KIF26B: variants seen among roughly 807,000 people sequenced by gnomAD.
KIF26B encodes the protein kinesin-like protein KIF26B.
Under a neutral mutation model 151.2 loss-of-function variants are expected in KIF26B, and 63 were observed. The ratio of observed to expected loss-of-function variants is 0.42; its 90% CI spans 0.34 to 0.51. KIF26B has a LOEUF of 0.51. KIF26B is among the 20% of genes least tolerant of loss of function. The pLI, the probability that KIF26B is intolerant of heterozygous loss-of-function variation, is 0.07. For missense variants in KIF26B, 2,813 were observed against 2,913.6 expected, an observed-to-expected ratio of 0.97 and a Z score of 0.79; for synonymous variants, 1,357 against 1,262.1, an observed-to-expected ratio of 1.08 and a Z score of -1.59.
At chr1:245,187,456 T>C (rs1398656202) in intron 2 of KIF26B, among the ~76,000 whole-genome samples, 1 of 152,242 alleles carries the variant, frequency 6.6e-6, no homozygotes, top group Non-Finnish European at 1.5e-5. Context: ...ATATGGAATA[T>C]GTCCATGTAA....
intron 2 of KIF26B, among the ~76,000 whole-genome samples, chr1:245,363,674 A>G (rs1199902809): frequency 6.6e-6 from 1 of 152,216 alleles, no homozygotes; most frequent in African/African-American, 2.4e-5. Context: ...TTTTGATGAT[A>G]AGAACTCACA....
intron 2 of KIF26B, among the ~76,000 whole-genome samples, chr1:245,305,928 C>T (rs754467482): frequency 1.5e-4 from 16 of 105,918 alleles, no homozygotes; most frequent in African/African-American, 5.7e-4. Flanking sequence ...CAGAGCGAGA[C>T]GACTCCTCAA....
At chr1:245,177,662 A>AGG (rs1297863113) in intron 2 of KIF26B, among the ~76,000 whole-genome samples, 2 of 125,728 alleles carry the variant, frequency 1.6e-5, no homozygotes, top group African/African-American at 3.4e-5. Flanking sequence ...ACTTGTCCTT[A>AGG]GGGGTGTGTG....
intron 4 of KIF26B, chr1:245,511,056 A>G: frequency 1.4e-6 from 1 of 713,852 alleles, no homozygotes; most frequent in Non-Finnish European, 2.6e-6. Context: ...ATTTATTAGC[A>G]GACGTGAAGA....
At chr1:245,504,783 C>T (rs1297046655) in intron 4 of KIF26B, among the ~76,000 whole-genome samples, 1 of 151,932 alleles carries the variant, frequency 6.6e-6, no homozygotes, top group East Asian at 1.9e-4. Flanking sequence ...AAAATTGTAG[C>T]CGTGGTCAGA....
intron 2 of KIF26B, among the ~76,000 whole-genome samples, chr1:245,240,953 C>T (rs2103559848): frequency 6.6e-6 from 1 of 152,328 alleles, no homozygotes; most frequent in Middle Eastern, 3.4e-3. Flanking sequence ...AGGACTCTGG[C>T]CCGGCCCAAG....
At chr1:245,351,380 G>C (rs568089537) in intron 2 of KIF26B, among the ~76,000 whole-genome samples, 1 of 150,244 alleles carries the variant, frequency 6.7e-6, no homozygotes, top group African/African-American at 2.5e-5. Flanking sequence ...CTTTTCACGT[G>C]TTAAACATAG....
chr1:245,606,746 A>T lies in KIF26B; in HGVS notation c.1558-905A>T, dbSNP rs975579629. Among the ~76,000 whole-genome samples, 1 of 152,202 alleles carries T rather than the reference A, an allele frequency of 6.6e-6. No individual in the cohort carries two copies. Among genetic ancestry groups the T allele is most frequent in the African/African-American group, 2.4e-5 (1 of 41,444 alleles). On this transcript the variant is annotated intron_variant, in intron 6 of 14. Coordinates refer to ENST00000407071, the MANE Select transcript of KIF26B (RefSeq NM_018012.4). The surrounding 1 kb of genome is among the most constrained non-coding windows in gnomAD (Gnocchi z 4.6). The stretch of plus-strand genomic sequence containing the variant: ...ATATGTTGAATGTATCTGTAGCAAA[A>T]GGAAGAAAAGGCAGGTTTTGAAAAG...
intron 2 of KIF26B, among the ~76,000 whole-genome samples, chr1:245,288,912 A>G (rs913824773): frequency 6.9e-6 from 1 of 145,536 alleles, no homozygotes; most frequent in Non-Finnish European, 1.5e-5. Flanking sequence ...AAGAAAGTCA[A>G]TCTAAACAAT....
At chr1:245,463,128 G>T (rs939970831) in intron 4 of KIF26B, among the ~76,000 whole-genome samples, 4 of 152,164 alleles carry the variant, frequency 2.6e-5, no homozygotes, top group African/African-American at 9.7e-5. Flanking sequence ...GGCCTGGTAG[G>T]AACAGCACTC....
At chr1:245,204,320 C>A (rs912992309) in intron 2 of KIF26B, among the ~76,000 whole-genome samples, 16 of 152,070 alleles carry the variant, frequency 1.1e-4, no homozygotes, top group Middle Eastern at 3.2e-3. Flanking sequence ...GAGCATCACT[C>A]CAAACTGTAC....
At chr1:245,303,323 C>G (rs568028044) in intron 2 of KIF26B, among the ~76,000 whole-genome samples, 2 of 150,878 alleles carry the variant, frequency 1.3e-5, no homozygotes, top group Non-Finnish European at 2.9e-5. Context: ...CTCAGCCTCC[C>G]GAGTAGCTGG....
intron 3 of KIF26B, among the ~76,000 whole-genome samples, chr1:245,381,912 CT>C (rs146724105): frequency 0.011 from 1,721 of 152,302 alleles, 14 homozygotes; most frequent in Middle Eastern, 0.041. Context: ...AATTTCCTTC[CT>C]TTTAAGGGCT....
chr1:245,307,166 T>G (rs894592695), intron 2 of KIF26B, among the ~76,000 whole-genome samples: 12 of 152,188 alleles, frequency 7.9e-5, no homozygotes, highest in African/African-American at 2.7e-4. Flanking sequence ...TCATCTACAT[T>G]AGTTTGTCAG....
At chr1:245,164,679 G>A (rs1668586435) in intron 2 of KIF26B, among the ~76,000 whole-genome samples, 1 of 152,240 alleles carries the variant, frequency 6.6e-6, no homozygotes, top group Admixed American at 6.5e-5. Context: ...GATGGAGGAT[G>A]AAAGGCCTTG....
intron 9 of KIF26B, among the ~76,000 whole-genome samples, chr1:245,618,106 C>T (rs1243861355): frequency 1.3e-5 from 2 of 152,146 alleles, no homozygotes; most frequent in Non-Finnish European, 2.9e-5. Context: ...GGAAAGGAAC[C>T]ACAATGGCAC....
intron 2 of KIF26B, among the ~76,000 whole-genome samples, chr1:245,354,952 GCT>G (rs1213433491): frequency 6.6e-6 from 1 of 152,034 alleles, no homozygotes; most frequent in Non-Finnish European, 1.5e-5. Context: ...ACGGAGTCTC[GCT>G]CTGTCACCCA....
intron 2 of KIF26B, among the ~76,000 whole-genome samples, chr1:245,314,227 C>T (rs962976883): frequency 3.3e-5 from 5 of 152,090 alleles, no homozygotes; most frequent in African/African-American, 1.2e-4. Flanking sequence ...GCAGGTGGAT[C>T]GCCTGAGGTC....
chr1:245,518,738 A>T (rs1411536870), intron 4 of KIF26B, among the ~76,000 whole-genome samples: 1 of 152,238 alleles, frequency 6.6e-6, no homozygotes, highest in Non-Finnish European at 1.5e-5. Context: ...GGATGCTTTT[A>T]GTCACGAGTC....
Sources: gnomAD v4.1 joint callset for allele counts (sites outside exome capture counted in the v4.1 genomes callset) on GRCh38, gnomAD v4.1.1 for gene constraint, Gnocchi (gnomAD v3.1) non-coding constraint, MANE v1.5 for transcripts, NCBI Gene and HGNC (gene_info 2026-07-23, HGNC 2026-07-21) for gene names.